The following C12orf56 variants were observed in gnomAD, a reference collection of about 807,000 sequenced individuals.
The protein encoded by C12orf56 is uncharacterized protein C12orf56.
A neutral mutation model predicts 69.9 loss-of-function variants in C12orf56; 71 were observed. That is an observed-to-expected ratio of 1.02 (90% CI 0.84 to 1.24). The LOEUF (loss-of-function observed/expected upper bound fraction) is 1.24, where lower values mean the gene tolerates loss of function less well. Among genes scored for constraint, C12orf56 ranks in the 50% most tolerant of loss-of-function variants. C12orf56 has a pLI of 0.00. For missense variants in C12orf56, 732 were observed against 738.5 expected, an observed-to-expected ratio of 0.99 and a Z score of 0.10; for synonymous variants, 276 against 274.1, an observed-to-expected ratio of 1.01 and a Z score of -0.07.
chr12:64,359,735 A>T (rs2039373024), intron 1 of C12orf56, among the ~76,000 whole-genome samples: 1 of 152,118 alleles, frequency 6.6e-6, no homozygotes, highest in Non-Finnish European at 1.5e-5. Context: ...TTTTTTAAAG[A>T]CAGAGTCTCG....
intron 2 of C12orf56, among the ~76,000 whole-genome samples, chr12:64,349,558 C>T (rs1379889187): frequency 2.0e-5 from 3 of 152,212 alleles, no homozygotes; most frequent in Non-Finnish European, 2.9e-5. Flanking sequence ...GATATTTGCA[C>T]ACACATGTTT....
chr12:64,311,405 T>A (rs2038614513), intron 5 of C12orf56, among the ~76,000 whole-genome samples: 1 of 150,718 alleles, frequency 6.6e-6, no homozygotes, highest in South Asian at 2.1e-4. Flanking sequence ...AGAGCAAGAC[T>A]TTGTCTCAAA....
In C12orf56 at chr12:64,387,285, A is replaced by G. The variant is rs141975862; in HGVS notation, c.252+3029T>C. Among the ~76,000 whole-genome samples, 724 of 152,214 alleles carry G rather than the reference A, an allele frequency of 4.8e-3. 5 individuals are homozygous for G. Among genetic ancestry groups the G allele is most frequent in the African/African-American group, 0.016 (685 of 41,522 alleles). On this transcript the variant is annotated intron_variant, in intron 1 of 12. Transcript: ENST00000543942. ...TCTTTGGGGCTTAATTATTCTGCCT[A>G]TCGCAACTTCCAAAGTTGAACTATA...
intron 2 of C12orf56, among the ~76,000 whole-genome samples, chr12:64,345,677 G>A (rs181704073): frequency 6.6e-6 from 1 of 152,284 alleles, no homozygotes; most frequent in Admixed American, 6.5e-5. Flanking sequence ...AATCTAAGCA[G>A]ACTAGAGGTT....
intron 8 of C12orf56, among the ~76,000 whole-genome samples, 189 bp downstream of exon 8, chr12:64,284,475 A>T (rs2038173483): frequency 6.6e-6 from 1 of 152,256 alleles, no homozygotes. Context: ...ATCCAGAGAG[A>T]CAGAGAGAAC....
At chr12:64,279,032 G>A (rs1486841402) in intron 8 of C12orf56, among the ~76,000 whole-genome samples, 1 of 152,056 alleles carries the variant, frequency 6.6e-6, no homozygotes, top group Non-Finnish European at 1.5e-5. Flanking sequence ...CAGTAAGTTT[G>A]CTTCCTTTTC....
At position 64,265,582 on chromosome 12, in the gene C12orf56, G is replaced by T. The variant is rs2037913328; in HGVS notation, c.*1601C>A. On this transcript the variant is annotated 3_prime_UTR_variant, in exon 13 of 13. Transcript: ENST00000543942. ...GGAAGCCCAGGAAGAAACAGATGTG[G>T]CCTGGAAAGGGGGCCTGACTTGCTT... 1 of 152,222 alleles carries T rather than the reference G, an allele frequency of 6.6e-6. No homozygotes were observed. Among genetic ancestry groups the T allele is most frequent in the Admixed American group, 6.6e-5 (1 of 15,264 alleles). 9.4% of individuals were successfully genotyped at this position (152,222 alleles called of 1,614,324 possible).
chr12:64,328,703 A>G (rs2038881510), intron 3 of C12orf56, among the ~76,000 whole-genome samples: 1 of 20,622 alleles, frequency 4.8e-5, no homozygotes, highest in Non-Finnish European at 9.1e-5. Context: ...AAAAAAAAAA[A>G]AAAATATATA....
At chr12:64,333,800 C>T (rs1337938180) in intron 2 of C12orf56, among the ~76,000 whole-genome samples, 13 of 152,226 alleles carry the variant, frequency 8.5e-5, no homozygotes, top group Admixed American at 8.5e-4. Context: ...CCATGCCCAG[C>T]CTATGTTAGC....
At chr12:64,366,281 ATAATATACAGT>A in intron 1 of C12orf56, among the ~76,000 whole-genome samples, 2 of 107,072 alleles carry the variant, frequency 1.9e-5, no homozygotes, top group South Asian at 2.8e-4. Context: ...TATATTATAT[ATAATATACAGT>A]TTATATATTA....
In C12orf56 at chr12:64,328,332, A is replaced by G. The variant is rs561354074; in HGVS notation, c.488+2628T>C. Among the ~76,000 whole-genome samples, 10 of 152,130 alleles carry G rather than the reference A, an allele frequency of 6.6e-5. No individual in the cohort carries two copies. In the South Asian group the frequency reaches 1.9e-3, roughly 28 times the overall value. ...CTATATCCCTTGAGTGGCAGCTCCC[A>G]GAATCCTACACTCCCCTCTTCCTTC... On this transcript the variant is annotated intron_variant, in intron 3 of 12. Transcript: ENST00000543942.
intron 3 of C12orf56, among the ~76,000 whole-genome samples, chr12:64,320,724 G>T (rs11175339): frequency 0.45 from 67,893 of 151,836 alleles, 15,533 homozygotes; most frequent in African/African-American, 0.54. Context: ...AAACAAAGTT[G>T]ATGAGAGGCC....
At chr12:64,363,926 G>C (rs1459453897) in intron 1 of C12orf56, among the ~76,000 whole-genome samples, 1 of 151,952 alleles carries the variant, frequency 6.6e-6, no homozygotes, top group Non-Finnish European at 1.5e-5. Context: ...TCCTCAAATA[G>C]ATAACTCCTT....
At chr12:64,367,767 G>C (rs982844939) in intron 1 of C12orf56, among the ~76,000 whole-genome samples, 1 of 149,886 alleles carries the variant, frequency 6.7e-6, no homozygotes. Flanking sequence ...GCCTCCCAAA[G>C]TGCTGGGATT....
intron 3 of C12orf56, among the ~76,000 whole-genome samples, chr12:64,325,273 G>A (rs1053281499): frequency 2.6e-5 from 4 of 151,608 alleles, no homozygotes; most frequent in African/African-American, 9.7e-5. Context: ...GGGCATGCCT[G>A]TAATCCCAGC....
At chr12:64,344,764 G>A (rs2039118540) in intron 2 of C12orf56, among the ~76,000 whole-genome samples, 1 of 152,118 alleles carries the variant, frequency 6.6e-6, no homozygotes, top group African/African-American at 2.4e-5. Context: ...TCCCAGCTGG[G>A]ATGAGTAGCT....
At chr12:64,305,675 G>A (rs1384689015) in intron 5 of C12orf56, among the ~76,000 whole-genome samples, 3 of 152,082 alleles carry the variant, frequency 2.0e-5, no homozygotes, top group East Asian at 1.9e-4. Flanking sequence ...GAGCCACTAC[G>A]CCCGGCCAAA....
intron 6 of C12orf56, among the ~76,000 whole-genome samples, chr12:64,294,830 G>A (rs915939177): frequency 6.6e-6 from 1 of 151,166 alleles, no homozygotes; most frequent in Admixed American, 6.6e-5. Context: ...AATGATTAAG[G>A]AAGTAAATTT....
At chr12:64,271,289 A>G (rs1353008262) in intron 11 of C12orf56, among the ~76,000 whole-genome samples, 2 of 151,840 alleles carry the variant, frequency 1.3e-5, no homozygotes, top group African/African-American at 4.8e-5. Flanking sequence ...ACATGGCAAA[A>G]CCCCATCTCT....
Sources: allele counts gnomAD v4.1 joint callset (sites outside exome capture counted in the v4.1 genomes callset), GRCh38; gene constraint gnomAD v4.1.1; transcripts MANE v1.5; gene names NCBI Gene and HGNC (gene_info 2026-07-23, HGNC 2026-07-21).